The following RFC3 variants were observed in gnomAD, a reference collection of about 807,000 sequenced individuals.
RFC3 encodes the protein A1 38 kDa subunit.
In RFC3, 41 loss-of-function variants were observed where a neutral mutation model predicts 45.1. The observed-to-expected ratio is 0.91, with a 90% CI of 0.71 to 1.18. The LOEUF (loss-of-function observed/expected upper bound fraction) is 1.18. Among genes scored for constraint, RFC3 ranks in the 50% most tolerant of loss-of-function variants. The pLI, the probability that RFC3 is intolerant of heterozygous loss-of-function variation, is 0.00. For synonymous variants in RFC3, 149 were observed against 144.0 expected (o/e 1.03, Z -0.25); for missense variants, 423 against 428.1 (o/e 0.99, Z 0.10).
At chr13:33,873,168 G>A (rs546178010) in intron 8 of RFC3, among the ~76,000 whole-genome samples, 1 of 152,304 alleles carries the variant, frequency 6.6e-6, no homozygotes, top group Admixed American at 6.5e-5. Context: ...ATATACAATG[G>A]GGTGGAGGAG....
chr13:33,823,330 A>C (rs2082020390), intron 2 of RFC3, among the ~76,000 whole-genome samples: 1 of 152,210 alleles, frequency 6.6e-6, no homozygotes, highest in African/African-American at 2.4e-5. Flanking sequence ...CAGTATATGC[A>C]ACATATGTAC....
chr13:33,831,038 C>T (rs192712698), intron 6 of RFC3, among the ~76,000 whole-genome samples, 183 bp downstream of exon 6: 10 of 152,148 alleles, frequency 6.6e-5, no homozygotes, highest in Middle Eastern at 6.8e-3. Flanking sequence ...AGATCCCTTG[C>T]ATAAGCAGTT....
At chr13:33,955,618 A>C (rs2083017359) in intron 8 of RFC3, among the ~76,000 whole-genome samples, 1 of 152,198 alleles carries the variant, frequency 6.6e-6, no homozygotes, top group African/African-American at 2.4e-5. Context: ...TTGTCCAGTA[A>C]GTTTTAAAAA....
intron 8 of RFC3, among the ~76,000 whole-genome samples, chr13:33,939,668 T>G (rs2082911415): frequency 6.6e-6 from 1 of 152,194 alleles, no homozygotes; most frequent in African/African-American, 2.4e-5. Context: ...TCATCAGAAG[T>G]ACAGGTGGCT....
intron 8 of RFC3, among the ~76,000 whole-genome samples, chr13:33,869,462 A>G (rs1268815106): frequency 2.0e-5 from 3 of 151,958 alleles, no homozygotes; most frequent in Admixed American, 1.3e-4. Context: ...TTCACAGAAG[A>G]AACTAAAAAA....
At chr13:33,906,868 G>T (rs2082674935) in intron 8 of RFC3, among the ~76,000 whole-genome samples, 1 of 152,020 alleles carries the variant, frequency 6.6e-6, no homozygotes, top group Admixed American at 6.6e-5. Flanking sequence ...TTGCTCTGTT[G>T]TCCAGGCTGG....
At chr13:33,851,754 A>G (rs1243990670) in intron 8 of RFC3, among the ~76,000 whole-genome samples, 1 of 152,176 alleles carries the variant, frequency 6.6e-6, no homozygotes, top group African/African-American at 2.4e-5. Context: ...GGTCATTCTT[A>G]AAGCATTGCA....
At chr13:33,888,621 A>G (rs2082542711) in intron 8 of RFC3, among the ~76,000 whole-genome samples, 1 of 152,208 alleles carries the variant, frequency 6.6e-6, no homozygotes. Flanking sequence ...AGTTTTGTAT[A>G]GTAAAAATTA....
the RFC3 span, among the ~76,000 whole-genome samples, chr13:33,972,495 G>A: frequency 4.6e-5 from 7 of 152,134 alleles, no homozygotes; most frequent in African/African-American, 1.4e-4. Flanking sequence ...TTGACTTTAT[G>A]TTTTTTGTTG....
Position 33,937,630 on chromosome 13 carries a change from C to A in RFC3, c.880-28457C>A, listed in dbSNP as rs533746338. On this transcript the variant is annotated intron_variant, in intron 8 of 8. Transcript: ENST00000434425. ...CTGTGCACAATTACCATGTAGCATGCGCATAGAAACACAGATTAGAAATAC... is the reference window on the plus strand; with the variant it reads ...CTGTGCACAATTACCATGTAGCATGAGCATAGAAACACAGATTAGAAATAC... 2.0e-5 allele frequency among the ~76,000 whole-genome samples: 3 copies of A among 152,168 alleles called. No homozygotes were observed. The East Asian group carries it at 5.8e-4, about 29-fold the overall frequency.
At chr13:33,961,782 T>TA (rs767103364) in intron 8 of RFC3, among the ~76,000 whole-genome samples, 2 of 152,274 alleles carry the variant, frequency 1.3e-5, no homozygotes, top group East Asian at 1.9e-4. Flanking sequence ...ACTGAGAACA[T>TA]AGAGACCAGA....
At chr13:33,967,226 A>G (rs2083092530), downstream of RFC3, among the ~76,000 whole-genome samples, 1 of 152,174 alleles carries the variant, frequency 6.6e-6, no homozygotes, top group Admixed American at 6.5e-5. Context: ...CAAATTTATT[A>G]GCATGAGGAT....
At chr13:33,887,979 T>C (rs2137622822) in intron 8 of RFC3, among the ~76,000 whole-genome samples, 1 of 152,348 alleles carries the variant, frequency 6.6e-6, no homozygotes, top group South Asian at 2.1e-4. Context: ...TTCTGTTCCA[T>C]TGATCGACAT....
intron 8 of RFC3, among the ~76,000 whole-genome samples, chr13:33,901,724 A>G (rs2082643133): frequency 6.6e-6 from 1 of 152,142 alleles, no homozygotes; most frequent in Non-Finnish European, 1.5e-5. Context: ...AAAGTATTTA[A>G]GGTGATGGTT....
chr13:33,875,015 C>T (rs1456652097), intron 8 of RFC3, among the ~76,000 whole-genome samples: 1 of 152,146 alleles, frequency 6.6e-6, no homozygotes, highest in African/African-American at 2.4e-5. Context: ...AATGCAACAG[C>T]GGATTAAGAT....
intron 8 of RFC3, among the ~76,000 whole-genome samples, chr13:33,872,008 C>T (rs1165848052): frequency 1.3e-5 from 2 of 152,170 alleles, no homozygotes; most frequent in East Asian, 3.8e-4. Context: ...GGTTCTTAAT[C>T]ATTTTATTAA....
chr13:33,821,167 C>T lies in RFC3; in HGVS notation c.123C>T (p.Tyr41=), dbSNP rs541841514. 6.8e-5 allele frequency: 110 copies of T among 1,613,030 alleles called. No individual in the cohort carries two copies. The highest frequency in any genetic ancestry group is 2.8e-4 in the African/African-American group (21 of 74,742). Residue 41 remains tyrosine, a synonymous_variant, in exon 2 of 9, where the codon TAC becomes TAT. Coordinates refer to ENST00000380071, the MANE Select transcript of RFC3 (RefSeq NM_002915.4). Reference sequence around the variant, plus strand: ...GTGACTTTCCTCATCTGTTAGTGTACGGACCATCAGGTGCTGGAAAAAAGA... The same window carrying T: ...GTGACTTTCCTCATCTGTTAGTGTATGGACCATCAGGTGCTGGAAAAAAGA... ...QCGDFPHLLV[Y]GPSGAGKKTR... is the part of the protein sequence containing the mutation.
chr13:33,827,036 A>G (rs2082056008), intron 4 of RFC3, among the ~76,000 whole-genome samples: 1 of 152,218 alleles, frequency 6.6e-6, no homozygotes, highest in Non-Finnish European at 1.5e-5. Flanking sequence ...TGTGTGTTAA[A>G]TATTGTCTGA....
At chr13:33,956,277 G>A (rs2083021408) in intron 8 of RFC3, among the ~76,000 whole-genome samples, 2 of 152,108 alleles carry the variant, frequency 1.3e-5, no homozygotes, top group South Asian at 4.1e-4. Flanking sequence ...TCAGAACATT[G>A]GATTGGAAAT....
Sources: allele counts gnomAD v4.1 joint callset (sites outside exome capture counted in the v4.1 genomes callset), GRCh38; gene constraint gnomAD v4.1.1; transcripts MANE v1.5; gene names NCBI Gene and HGNC (gene_info 2026-07-23, HGNC 2026-07-21).